The following CHN1 variants were observed in gnomAD, a reference collection of about 807,000 sequenced individuals.
CHN1 encodes chimerin 1.
Under a neutral mutation model 59.5 loss-of-function variants are expected in CHN1, and 37 were observed. That is an observed-to-expected ratio of 0.62 (90% CI 0.48 to 0.82). The LOEUF (loss-of-function observed/expected upper bound fraction) is 0.82. Among genes scored for constraint, CHN1 ranks in the 40% least tolerant of loss-of-function variants. CHN1 has a pLI of 0.00. For missense variants in CHN1, 469 were observed against 571.0 expected (o/e 0.82, Z 1.82); for synonymous variants, 206 against 200.4 (o/e 1.03, Z -0.24).
intron 6 of CHN1, chr2:174,847,459 C>T: frequency 8.5e-7 from 1 of 1,181,378 alleles, no homozygotes; most frequent in Non-Finnish European, 1.1e-6. Context: ...TTTTAAAAGG[C>T]ATGCAATTTT....
At chr2:174,877,767 C>T (rs1687613034) in intron 6 of CHN1, 73 bp downstream of exon 6, 2 of 1,392,618 alleles carry the variant, frequency 1.4e-6, no homozygotes, top group Non-Finnish European at 2.0e-6. Context: ...AAATCAATCT[C>T]TTCTGGCAAT....
At chr2:174,955,084 C>CATCTATAT (rs1305982005) in intron 1 of CHN1, among the ~76,000 whole-genome samples, 4 of 150,476 alleles carry the variant, frequency 2.7e-5, no homozygotes, top group African/African-American at 7.3e-5. Context: ...GCGGTATATA[C>CATCTATAT]ATCTATATAT....
intron 4 of CHN1, among the ~76,000 whole-genome samples, chr2:174,917,447 T>A (rs1221792262): frequency 2.0e-5 from 3 of 151,076 alleles, no homozygotes; most frequent in Non-Finnish European, 3.0e-5. Context: ...AAAAAAAAAA[T>A]TCAATTAACT....
chr2:174,872,568 A>G (rs1186478660), intron 6 of CHN1, among the ~76,000 whole-genome samples: 1 of 152,176 alleles, frequency 6.6e-6, no homozygotes, highest in African/African-American at 2.4e-5. Flanking sequence ...TGGCCTTAAA[A>G]GTCATTAGAG....
At chr2:174,825,039 T>C (rs1685639668) in intron 7 of CHN1, among the ~76,000 whole-genome samples, 1 of 152,208 alleles carries the variant, frequency 6.6e-6, no homozygotes, top group South Asian at 2.1e-4. Context: ...ATCAGACCAA[T>C]ATTCTGTAAC....
At chr2:174,849,857 A>G (rs1686670684) in intron 6 of CHN1, among the ~76,000 whole-genome samples, 1 of 152,200 alleles carries the variant, frequency 6.6e-6, no homozygotes. Context: ...CTGGGCTCAT[A>G]AACACTACAC....
intron 5 of CHN1, among the ~76,000 whole-genome samples, chr2:174,884,096 TA>T (rs1223036469): frequency 6.6e-6 from 1 of 151,422 alleles, no homozygotes; most frequent in Non-Finnish European, 1.5e-5. Context: ...GCCTCCCGAG[TA>T]GCTGGGAGCT....
chr2:174,814,575 G>A (rs1212178547), intron 8 of CHN1, among the ~76,000 whole-genome samples: 1 of 152,126 alleles, frequency 6.6e-6, no homozygotes, highest in East Asian at 1.9e-4. Context: ...TGTAAAATGG[G>A]AACAATAATA....
Position 175,005,239 on chromosome 2 carries a change from G to A in CHN1, c.-327C>T. The A allele has an allele frequency of 8.4e-7, 1 of 1,187,756 alleles. No homozygotes were observed. Among genetic ancestry groups the A allele is most frequent in the Admixed American group, 5.1e-5 (1 of 19,702 alleles). 73.6% of individuals were successfully genotyped at this position (1,187,756 alleles called of 1,614,324 possible). On this transcript the variant is annotated 5_prime_UTR_variant, in exon 1 of 13. Transcript: ENST00000409900. ...CAGGAGGCTTGGCCGCGGCGCAGTG[G>A]CTGGCGGAGAGGCGGCGCCGCACTG...
intron 2 of CHN1, among the ~76,000 whole-genome samples, chr2:174,949,532 T>A (rs181277337): frequency 6.6e-6 from 1 of 152,206 alleles, no homozygotes; most frequent in Admixed American, 6.5e-5. Flanking sequence ...AATGTTTTTA[T>A]TTCTTATTTT....
intron 7 of CHN1, among the ~76,000 whole-genome samples, chr2:174,829,237 A>C (rs1410847684): frequency 6.6e-6 from 1 of 152,232 alleles, no homozygotes; most frequent in Non-Finnish European, 1.5e-5. Context: ...AGACTGGATT[A>C]ATTAACGGAT....
intron 1 of CHN1, among the ~76,000 whole-genome samples, chr2:175,001,394 A>G (rs776213243): frequency 2.6e-5 from 4 of 152,364 alleles, no homozygotes; most frequent in East Asian, 1.9e-4. Context: ...TCCTAACTAC[A>G]TCACAAAGAA....
intron 1 of CHN1, among the ~76,000 whole-genome samples, chr2:174,955,204 G>GAT (rs1299386319): frequency 6.1e-3 from 206 of 33,584 alleles, no homozygotes; most frequent in Middle Eastern, 0.022. Flanking sequence ...ATATATAATT[G>GAT]ATATATATAT....
At chr2:174,848,603 C>T (rs1252724691) in intron 6 of CHN1, among the ~76,000 whole-genome samples, 1 of 152,106 alleles carries the variant, frequency 6.6e-6, no homozygotes, top group Non-Finnish European at 1.5e-5. Flanking sequence ...TCTCAGATTT[C>T]ATAATCTACA....
At chr2:174,887,075 C>G (rs959592883) in intron 5 of CHN1, among the ~76,000 whole-genome samples, 1 of 152,048 alleles carries the variant, frequency 6.6e-6, no homozygotes, top group African/African-American at 2.4e-5. Context: ...AATTACATAA[C>G]ATGTATTCTT....
chr2:174,856,108 C>T (rs1686892903), intron 6 of CHN1, among the ~76,000 whole-genome samples: 1 of 151,994 alleles, frequency 6.6e-6, no homozygotes, highest in South Asian at 2.1e-4. Flanking sequence ...TGGTGACTAC[C>T]AGATTCAACA....
chr2:174,939,124 G>C (rs1198675563), intron 3 of CHN1, among the ~76,000 whole-genome samples: 1 of 152,132 alleles, frequency 6.6e-6, no homozygotes, highest in Admixed American at 6.5e-5. Flanking sequence ...GGGGATGGCA[G>C]CATTCAATCA....
intron 5 of CHN1, among the ~76,000 whole-genome samples, chr2:174,908,603 A>G (rs1688606230): frequency 6.6e-6 from 1 of 152,158 alleles, no homozygotes; most frequent in Admixed American, 6.5e-5. Context: ...TCTTCGCAAA[A>G]TACTTGTTTT....
chr2:174,892,404 T>C (rs907872562), intron 5 of CHN1, among the ~76,000 whole-genome samples: 1 of 152,208 alleles, frequency 6.6e-6, no homozygotes, highest in East Asian at 1.9e-4. Context: ...CCTTTCACAA[T>C]GTGAGAACAC....
Sources: gnomAD v4.1 joint callset for allele counts (sites outside exome capture counted in the v4.1 genomes callset) on GRCh38, gnomAD v4.1.1 for gene constraint, MANE v1.5 for transcripts, NCBI Gene and HGNC (gene_info 2026-07-23, HGNC 2026-07-21) for gene names.